The following CDKN2C variants were observed in gnomAD, a reference collection of about 807,000 sequenced individuals.
CDKN2C encodes the protein cyclin-dependent kinase 4 inhibitor C.
CDKN2C carries 5 observed loss-of-function variants against 11.0 expected under a neutral mutation model. That is an observed-to-expected ratio of 0.45 (90% CI 0.24 to 0.95). CDKN2C has a LOEUF of 0.95. Among genes scored for constraint, CDKN2C ranks in the 40% least tolerant of loss-of-function variants. The probability of loss-of-function intolerance (pLI) is 0.21; values close to 1 mark genes in which losing one functional copy is unlikely to be tolerated. For synonymous variants in CDKN2C, 79 were observed against 88.3 expected, an observed-to-expected ratio of 0.89 and a Z score of 0.59; for missense variants, 161 against 211.9, an observed-to-expected ratio of 0.76 and a Z score of 1.49.
chr1:50,965,972 C>T (rs1055089404), upstream of CDKN2C, among the ~76,000 whole-genome samples: 10 of 152,016 alleles, frequency 6.6e-5, no homozygotes, highest in Non-Finnish European at 1.5e-4. Context: ...ACTGTACCTA[C>T]TTGAGTCAAT....
intron 1 of CDKN2C, among the ~76,000 whole-genome samples, chr1:50,964,991 T>A (rs755524122): frequency 6.6e-6 from 1 of 151,886 alleles, no homozygotes; most frequent in Non-Finnish European, 1.5e-5. Context: ...AGGCAGAGAT[T>A]GGAGTGAGCT....
chr1:50,961,007 AG>A (rs1455347115), intron 1 of CDKN2C, among the ~76,000 whole-genome samples: 1 of 130,820 alleles, frequency 7.6e-6, no homozygotes, highest in African/African-American at 3.0e-5. Flanking sequence ...GAATATAGTC[AG>A]TCTATTTTTA....
intron 1 of CDKN2C, among the ~76,000 whole-genome samples, chr1:50,971,449 T>C (rs973052791): frequency 6.6e-6 from 1 of 152,232 alleles, no homozygotes; most frequent in Non-Finnish European, 1.5e-5. Context: ...CCAAGAGATA[T>C]ACTATTAACA....
At chr1:50,961,014 TTTTA>T (rs139937761) in intron 1 of CDKN2C, among the ~76,000 whole-genome samples, 130,053 of 149,500 alleles carry the variant, frequency 0.87, 56,768 homozygotes, top group Middle Eastern at 0.94. Context: ...GTCAGTCTAT[TTTTA>T]TTTATTTATT....
chr1:50,965,057 T>TATAGATAG (rs71578051), intron 1 of CDKN2C, among the ~76,000 whole-genome samples: 40,463 of 146,990 alleles, frequency 0.28, 5,730 homozygotes, highest in African/African-American at 0.3. Context: ...GTCTCAAAAA[T>TATAGATAG]ATAGATAGAT....
At chr1:50,967,721 T>G (rs1343068021), upstream of CDKN2C, among the ~76,000 whole-genome samples, 1 of 152,204 alleles carries the variant, frequency 6.6e-6, no homozygotes, top group Non-Finnish European at 1.5e-5. Context: ...AAGTTAAAAG[T>G]ACTGGAAATT....
chr1:50,972,311 G>A (rs1169267907), intron 1 of CDKN2C, among the ~76,000 whole-genome samples: 1 of 152,026 alleles, frequency 6.6e-6, no homozygotes, highest in African/African-American at 2.4e-5. Context: ...ATGTATCACT[G>A]TTTACCACTG....
chr1:50,967,832 A>T (rs1645354695), upstream of CDKN2C: 1 of 152,202 alleles, frequency 6.6e-6, no homozygotes, highest in Non-Finnish European at 1.5e-5. Flanking sequence ...GTAGTGAGAG[A>T]ACTTCGGCAA....
At chr1:50,962,408 TA>T (rs1473562783) in intron 1 of CDKN2C, among the ~76,000 whole-genome samples, 5 of 152,142 alleles carry the variant, frequency 3.3e-5, no homozygotes, top group African/African-American at 7.2e-5. Flanking sequence ...AATATTTTTT[TA>T]AAAAGAAAGT....
rs557155184 is a variant in CDKN2C, at chr1:50,961,260, G to A, written c.-1976+457G>A. 2.6e-5 allele frequency among the ~76,000 whole-genome samples: 4 copies of A among 152,244 alleles called. No individual in the cohort carries two copies. The East Asian group carries it at 7.7e-4, about 29-fold the overall frequency. ...TCACTATGTTGGGCAAGCTGATCTCGAACTCCTGTCCTCGTGATCCGCCCT... is the reference window on the plus strand; with the variant it reads ...TCACTATGTTGGGCAAGCTGATCTCAAACTCCTGTCCTCGTGATCCGCCCT... On this transcript the variant is annotated intron_variant, in intron 1 of 3. Coordinates refer to the CDKN2C transcript ENST00000262662.
At chr1:50,965,083 T>TAGATAGAC (rs1557607129) in intron 1 of CDKN2C, among the ~76,000 whole-genome samples, 1 of 151,368 alleles carries the variant, frequency 6.6e-6, no homozygotes, top group Non-Finnish European at 1.5e-5. Context: ...GATAGATAGA[T>TAGATAGAC]AGATAGATAG....
chr1:50,968,641 G>C (rs1017055607), upstream of CDKN2C: 1 of 152,274 alleles, frequency 6.6e-6, no homozygotes, highest in East Asian at 1.9e-4. Flanking sequence ...CGCCAGCAGG[G>C]CGGAGGGCGG....
At chr1:50,971,874 C>A (rs976278699) in intron 1 of CDKN2C, among the ~76,000 whole-genome samples, 4 of 152,118 alleles carry the variant, frequency 2.6e-5, no homozygotes, top group African/African-American at 9.7e-5. Flanking sequence ...TACTAACACC[C>A]ACTTATTGTG....
At chr1:50,964,192 C>T (rs1341369221) in intron 1 of CDKN2C, among the ~76,000 whole-genome samples, 3 of 152,138 alleles carry the variant, frequency 2.0e-5, no homozygotes, top group African/African-American at 7.2e-5. Context: ...TGGATTTTTA[C>T]ACTAATGTCC....
chr1:50,971,987 A>T (rs1287963136), intron 1 of CDKN2C, among the ~76,000 whole-genome samples: 1 of 152,150 alleles, frequency 6.6e-6, no homozygotes, highest in African/African-American at 2.4e-5. Flanking sequence ...GTCATAAGTC[A>T]AGAAATAACT....
chr1:50,963,175 T>C (rs1387833319), intron 1 of CDKN2C, among the ~76,000 whole-genome samples: 1 of 152,228 alleles, frequency 6.6e-6, no homozygotes, highest in Non-Finnish European at 1.5e-5. Context: ...TTACTATCTT[T>C]ACAACACAAC....
intron 1 of CDKN2C, among the ~76,000 whole-genome samples, chr1:50,963,260 G>T (rs546693761): frequency 6.6e-6 from 1 of 152,206 alleles, no homozygotes; most frequent in East Asian, 1.9e-4. Context: ...CCCCCCAAAG[G>T]TTGAAAGTTT....
chr1:50,960,879 G>T (rs1232147819), intron 1 of CDKN2C: 1 of 152,056 alleles, frequency 6.6e-6, no homozygotes, highest in East Asian at 1.9e-4. Flanking sequence ...TAACAACCTC[G>T]AGTTAATAGG....
upstream of CDKN2C, chr1:50,967,946 CA>C (rs1285073986): frequency 6.6e-6 from 1 of 152,224 alleles, no homozygotes; most frequent in Non-Finnish European, 1.5e-5. Context: ...GACTATTTCG[CA>C]GTTTCCAGTC....
Sources: allele counts gnomAD v4.1 joint callset (sites outside exome capture counted in the v4.1 genomes callset), GRCh38; gene constraint gnomAD v4.1.1; transcripts MANE v1.5; gene names NCBI Gene and HGNC (gene_info 2026-07-23, HGNC 2026-07-21).